NFIL3: variants seen among roughly 807,000 people sequenced by gnomAD.
NFIL3 encodes nuclear factor, interleukin 3 regulated.
In NFIL3, 5 loss-of-function variants were observed where a neutral mutation model predicts 10.0. The ratio of observed to expected loss-of-function variants is 0.50; its 90% CI spans 0.26 to 1.06. The LOEUF (loss-of-function observed/expected upper bound fraction) is 1.06, where lower values mean the gene tolerates loss of function less well. Among genes scored for constraint, NFIL3 ranks in the 50% least tolerant of loss-of-function variants. The probability of loss-of-function intolerance (pLI) is 0.13; values close to 1 mark genes in which losing one functional copy is unlikely to be tolerated. For missense variants in NFIL3, 436 were observed against 547.6 expected (o/e 0.80, Z 2.03); for synonymous variants, 202 against 206.5 (o/e 0.98, Z 0.19).
chr9:91,482,919 G>A, the NFIL3 span, among the ~76,000 whole-genome samples: 2 of 152,302 alleles, frequency 1.3e-5, no homozygotes, highest in Non-Finnish European at 2.9e-5. Flanking sequence ...CCCGAAAGGC[G>A]CACATGTCAG....
the NFIL3 span, among the ~76,000 whole-genome samples, chr9:91,457,852 T>G: frequency 2.6e-5 from 4 of 152,058 alleles, no homozygotes; most frequent in South Asian, 6.2e-4. Flanking sequence ...TTATTCCAAG[T>G]TTTTTGCAAG....
chr9:91,482,130 C>T, the NFIL3 span, among the ~76,000 whole-genome samples: 4 of 152,236 alleles, frequency 2.6e-5, no homozygotes, highest in African/African-American at 7.2e-5. Context: ...TGCGCATACC[C>T]TTTGGCCCTA....
chr9:91,427,280 T>G (rs1833881804), upstream of NFIL3: 1 of 152,216 alleles, frequency 6.6e-6, no homozygotes, highest in Non-Finnish European at 1.5e-5. Flanking sequence ...CTGGACAGTC[T>G]GAGTCCTCTG....
At chr9:91,438,172 G>A in the NFIL3 span, among the ~76,000 whole-genome samples, 2 of 151,970 alleles carry the variant, frequency 1.3e-5, no homozygotes, top group South Asian at 2.1e-4. Flanking sequence ...CCTAACATTC[G>A]TTATCTTTTG....
chr9:91,465,934 G>A, the NFIL3 span, among the ~76,000 whole-genome samples: 3 of 152,000 alleles, frequency 2.0e-5, no homozygotes, highest in Non-Finnish European at 2.9e-5. Context: ...GGAACCCACT[G>A]TTATTATACT....
chr9:91,453,988 C>T, the NFIL3 span, among the ~76,000 whole-genome samples: 4 of 151,932 alleles, frequency 2.6e-5, no homozygotes, highest in African/African-American at 7.3e-5. Context: ...AGTCCCAGCA[C>T]TTTGGGAGGC....
At chr9:91,421,681 G>A (rs1833772679) in intron 1 of NFIL3, among the ~76,000 whole-genome samples, 1 of 152,168 alleles carries the variant, frequency 6.6e-6, no homozygotes, top group African/African-American at 2.4e-5. Flanking sequence ...CTACAGGCCT[G>A]GGACTCCCAC....
At chr9:91,416,948 A>G (rs1031263506) in intron 1 of NFIL3, among the ~76,000 whole-genome samples, 2 of 152,168 alleles carry the variant, frequency 1.3e-5, no homozygotes, top group African/African-American at 4.8e-5. Flanking sequence ...TATGTTTATG[A>G]TAGACCTTTA....
At chr9:91,458,822 G>C in the NFIL3 span, among the ~76,000 whole-genome samples, 68,451 of 151,936 alleles carry the variant, frequency 0.45, 19,274 homozygotes, top group African/African-American at 0.79. Flanking sequence ...TCTCATTGCT[G>C]GAGGTATCAC....
chr9:91,432,003 A>G, the NFIL3 span, among the ~76,000 whole-genome samples: 6 of 152,044 alleles, frequency 3.9e-5, no homozygotes, highest in South Asian at 2.1e-4. Context: ...TGGGTTCCCA[A>G]TGCTTTCCTG....
chr9:91,458,917 G>T, the NFIL3 span, among the ~76,000 whole-genome samples: 3 of 152,160 alleles, frequency 2.0e-5, no homozygotes, highest in African/African-American at 7.2e-5. Context: ...AAAGAAGAAA[G>T]CTCTCTGCTG....
intron 1 of NFIL3, among the ~76,000 whole-genome samples, chr9:91,421,388 G>GGGC (rs1833763775): frequency 6.6e-6 from 1 of 151,920 alleles, no homozygotes; most frequent in Admixed American, 6.6e-5. Context: ...CCCTCCGGGT[G>GGGC]GGCGGCGCAG....
the NFIL3 span, among the ~76,000 whole-genome samples, chr9:91,436,504 G>C: frequency 1.3e-5 from 2 of 152,082 alleles, no homozygotes; most frequent in East Asian, 1.9e-4. Context: ...CGTGAATCCG[G>C]GTGGCGGAGC....
At chr9:91,434,933 A>G in the NFIL3 span, among the ~76,000 whole-genome samples, 3 of 152,308 alleles carry the variant, frequency 2.0e-5, 1 homozygote, top group Admixed American at 2.0e-4. Context: ...AGGGTTTCCT[A>G]GGGAATGTGG....
At chr9:91,420,128 G>A (rs1833732142) in intron 1 of NFIL3, among the ~76,000 whole-genome samples, 1 of 152,030 alleles carries the variant, frequency 6.6e-6, no homozygotes, top group Non-Finnish European at 1.5e-5. Context: ...CCTTCAAGCA[G>A]CTCCCCAAAA....
upstream of NFIL3, among the ~76,000 whole-genome samples, chr9:91,424,479 C>T (rs1833843367): frequency 6.6e-6 from 1 of 152,134 alleles, no homozygotes; most frequent in African/African-American, 2.4e-5. Flanking sequence ...CGCGCTGCGG[C>T]GGGGAAGGGG....
chr9:91,429,534 ACT>A, the NFIL3 span, among the ~76,000 whole-genome samples: 1 of 151,876 alleles, frequency 6.6e-6, no homozygotes, highest in Non-Finnish European at 1.5e-5. Context: ...AACTTTTGTC[ACT>A]CCAGAGACAA....
chr9:91,452,041 AG>A, the NFIL3 span, among the ~76,000 whole-genome samples: 2 of 152,214 alleles, frequency 1.3e-5, no homozygotes, highest in African/African-American at 4.8e-5. Flanking sequence ...CTCTTGACTA[AG>A]GGCATTCCAA....
the NFIL3 span, among the ~76,000 whole-genome samples, chr9:91,459,571 G>A: frequency 5.2e-4 from 79 of 152,230 alleles, no homozygotes; most frequent in Non-Finnish European, 8.8e-4. Flanking sequence ...CATAGTCCTA[G>A]CTACTCAGGA....
Sources: gnomAD v4.1 joint callset for allele counts (sites outside exome capture counted in the v4.1 genomes callset) on GRCh38, gnomAD v4.1.1 for gene constraint, MANE v1.5 for transcripts, NCBI Gene and HGNC (gene_info 2026-07-23, HGNC 2026-07-21) for gene names.